PIK3R1: variants seen among roughly 807,000 people sequenced by gnomAD.
PIK3R1 encodes phosphatidylinositol 3-kinase regulatory subunit alpha.
A neutral mutation model predicts 98.0 loss-of-function variants in PIK3R1; 29 were observed. The observed-to-expected ratio is 0.30, with a 90% CI of 0.22 to 0.40. The LOEUF (loss-of-function observed/expected upper bound fraction) is 0.40, where lower values mean the gene tolerates loss of function less well. Among genes scored for constraint, PIK3R1 ranks in the 10% least tolerant of loss-of-function variants. The pLI, the probability that PIK3R1 is intolerant of heterozygous loss-of-function variation, is 1.00. For synonymous variants in PIK3R1, 282 were observed against 311.8 expected (o/e 0.90, Z 1.01); for missense variants, 596 against 872.7 (o/e 0.68, Z 3.99).
At chr5:68,267,757 A>C (rs1746183689) in intron 2 of PIK3R1, among the ~76,000 whole-genome samples, 1 of 131,808 alleles carries the variant, frequency 7.6e-6, no homozygotes, top group Non-Finnish European at 1.6e-5. Context: ...AATATCTCAA[A>C]TATATTAGTA....
At chr5:68,279,454 G>A (rs553658076) in intron 4 of PIK3R1, 148 bp from the exon 5 acceptor site, 16 of 664,606 alleles carry the variant, frequency 2.4e-5, no homozygotes, top group African/African-American at 1.5e-4. Context: ...TACGGCTAAC[G>A]AATACTTTGT....
chr5:68,279,915 C>T (rs1561288755), intron 5 of PIK3R1, among the ~76,000 whole-genome samples, 182 bp downstream of exon 5: 2 of 152,220 alleles, frequency 1.3e-5, no homozygotes, highest in South Asian at 2.1e-4. Flanking sequence ...CCCAGATTCT[C>T]ATTTGCTTGG....
rs547197766 is a variant in PIK3R1 at position 68,288,578 on chromosome 5, C to A, written c.917-3681C>A. 9.2e-6 allele frequency: 14 copies of A among 1,523,526 alleles called. 1 individual carries two copies. The East Asian group carries it at 1.1e-4, about 12-fold the overall frequency. 94.4% of individuals were successfully genotyped at this position (1,523,526 alleles called of 1,614,324 possible). A position where few individuals can be genotyped will look rare whatever the true frequency, so the allele number is the denominator to read the frequency against. On this transcript the variant is annotated intron_variant, in intron 7 of 15. Transcript: ENST00000521381. ...GCCCGGAGGGTCCTGGCGGCGCCCC[C>A]GCTCCTGCGCGCACTCTCGGCGCCG...
intron 2 of PIK3R1, among the ~76,000 whole-genome samples, chr5:68,263,304 T>C (rs1314683157): frequency 1.4e-5 from 1 of 70,470 alleles, no homozygotes; most frequent in African/African-American, 7.4e-5. Context: ...ATATCACAGT[T>C]TTGTGTGTTG....
chr5:68,270,125 C>T (rs574525506), intron 2 of PIK3R1, among the ~76,000 whole-genome samples: 30 of 152,078 alleles, frequency 2.0e-4, no homozygotes, highest in African/African-American at 7.0e-4. Context: ...TCTCACAGAT[C>T]CTGACTTGGT....
chr5:68,218,887 C>T (rs1743995338), intron 1 of PIK3R1, among the ~76,000 whole-genome samples: 2 of 152,158 alleles, frequency 1.3e-5, no homozygotes, highest in African/African-American at 4.8e-5. Flanking sequence ...TATATCACAG[C>T]TTTTTATCAA....
intron 2 of PIK3R1, among the ~76,000 whole-genome samples, chr5:68,254,415 A>T (rs767482544): frequency 1.3e-5 from 2 of 152,218 alleles, no homozygotes; most frequent in Non-Finnish European, 2.9e-5. Context: ...AACAAATAAA[A>T]AATAAAACCC....
chr5:68,299,917 C>T lies in PIK3R1; in HGVS notation c.*2316C>T, dbSNP rs76752856. ...TGACGATTTCCCTGGTTTTAGTCTGCGTCTCTGCTTTAAAGTTATTGTGAT... is the reference window on the plus strand; with the variant it reads ...TGACGATTTCCCTGGTTTTAGTCTGTGTCTCTGCTTTAAAGTTATTGTGAT... On this transcript the variant is annotated 3_prime_UTR_variant, in exon 16 of 16. Transcript: ENST00000521381. 353 of 233,134 alleles carry T rather than the reference C, an allele frequency of 1.5e-3. 2 individuals are homozygous for T. Among genetic ancestry groups the T allele is most frequent in the Non-Finnish European group, 2.4e-3 (278 of 117,982 alleles). 14.4% of individuals were successfully genotyped at this position (233,134 alleles called of 1,614,324 possible).
In PIK3R1 at chr5:68,226,665, G is replaced by A. The variant is rs775184381; in HGVS notation, c.-11G>A. 25 of 1,606,004 alleles carry A rather than the reference G, an allele frequency of 1.6e-5. No individual in the cohort carries two copies. Among genetic ancestry groups the A allele is most frequent in the Non-Finnish European group, 2.1e-5 (25 of 1,173,928 alleles). On this transcript the variant is annotated 5_prime_UTR_variant, in exon 2 of 16. Transcript: ENST00000521381. ...CAGGCTCAACTGTTGCATGGTAGCA[G>A]ATTTGCAAACATGAGTGCTGAGGGG...
chr5:68,264,092 C>T (rs1746020384), intron 2 of PIK3R1, among the ~76,000 whole-genome samples: 1 of 152,190 alleles, frequency 6.6e-6, no homozygotes. Context: ...AAACCCATTA[C>T]ATCCTTGGGG....
chr5:68,273,159 G>A (rs986893661), intron 2 of PIK3R1, among the ~76,000 whole-genome samples: 1 of 152,146 alleles, frequency 6.6e-6, no homozygotes, highest in African/African-American at 2.4e-5. Context: ...TGGACCTGGG[G>A]GAAAGGCCAT....
At chr5:68,294,744 C>G (rs1747600000) in intron 12 of PIK3R1, 66 bp downstream of exon 12, 1 of 1,306,988 alleles carries the variant, frequency 7.7e-7, no homozygotes, top group Admixed American at 2.5e-5. Context: ...TAAAGATGAT[C>G]TCGCTTTCTG....
intron 2 of PIK3R1, among the ~76,000 whole-genome samples, chr5:68,244,771 C>T (rs889904152): frequency 6.6e-6 from 1 of 152,080 alleles, no homozygotes; most frequent in Non-Finnish European, 1.5e-5. Flanking sequence ...GTTTGAACTT[C>T]TCAGATCTAA....
intron 8 of PIK3R1, chr5:68,292,681 A>G: frequency 7.8e-7 from 1 of 1,289,634 alleles, no homozygotes; most frequent in Non-Finnish European, 9.9e-7. Flanking sequence ...CCTTAAACAC[A>G]ATAAGAAAAC....
Position 68,297,709 on chromosome 5 carries a change from C to A in PIK3R1, c.*108C>A. 1 of 912,404 alleles carries A rather than the reference C, an allele frequency of 1.1e-6. No individual in the cohort carries two copies. Among genetic ancestry groups the A allele is most frequent in the Non-Finnish European group, 1.7e-6 (1 of 591,354 alleles). 56.5% of individuals were successfully genotyped at this position (912,404 alleles called of 1,614,324 possible). The stretch of plus-strand genomic sequence containing the variant: ...TGTGAATTGAGCTGCAGAAACGAAG[C>A]CATCTTTCTTTGGATGGGACTAGAG... On this transcript the variant is annotated 3_prime_UTR_variant, in exon 16 of 16. Transcript: ENST00000521381.
chr5:68,232,861 A>G (rs1318074150), intron 2 of PIK3R1, among the ~76,000 whole-genome samples: 1 of 152,218 alleles, frequency 6.6e-6, no homozygotes, highest in Non-Finnish European at 1.5e-5. Flanking sequence ...AATAGGAGTT[A>G]TTTAATTAGA....
chr5:68,260,589 C>G lies in PIK3R1; in HGVS notation c.335-12801C>G, dbSNP rs77042742. On this transcript the variant is annotated intron_variant, in intron 2 of 15. Coordinates refer to ENST00000521381, the MANE Select transcript of PIK3R1 (RefSeq NM_181523.3). ...GTTGTAATATCTGCTCTGCCAAACA[C>G]TAGTTAAGTGATCTTGGTGTAGTCA... 4.3e-3 allele frequency among the ~76,000 whole-genome samples: 661 copies of G among 152,262 alleles called. 6 individuals are homozygous for G. Among genetic ancestry groups the G allele is most frequent in the African/African-American group, 0.015 (639 of 41,542 alleles).
At chr5:68,265,936 T>C (rs1561281388) in intron 2 of PIK3R1, among the ~76,000 whole-genome samples, 1 of 152,226 alleles carries the variant, frequency 6.6e-6, no homozygotes, top group African/African-American at 2.4e-5. Flanking sequence ...CTGGTGCTGC[T>C]TTTTTCTCCT....
chr5:68,228,394 C>G (rs2111971225), intron 2 of PIK3R1, among the ~76,000 whole-genome samples: 1 of 152,168 alleles, frequency 6.6e-6, no homozygotes, highest in East Asian at 1.9e-4. Flanking sequence ...CATACCCAGC[C>G]CAAAGGGATA....
Sources: gnomAD v4.1 joint callset for allele counts (sites outside exome capture counted in the v4.1 genomes callset) on GRCh38, gnomAD v4.1.1 for gene constraint, MANE v1.5 for transcripts, NCBI Gene and HGNC (gene_info 2026-07-23, HGNC 2026-07-21) for gene names.